COMMD10: variants seen among roughly 807,000 people sequenced by gnomAD.
The protein encoded by COMMD10 is COMM domain containing 10.
A neutral mutation model predicts 28.9 loss-of-function variants in COMMD10; 33 were observed. That is an observed-to-expected ratio of 1.14 (90% CI 0.87 to 1.53). The LOEUF (loss-of-function observed/expected upper bound fraction) is 1.53, where lower values mean the gene tolerates loss of function less well. COMMD10 is among the 40% of genes most tolerant of loss of function. The pLI, the probability that COMMD10 is intolerant of heterozygous loss-of-function variation, is 0.00. For synonymous variants in COMMD10, 110 were observed against 81.7 expected, an observed-to-expected ratio of 1.35 and a Z score of -1.87; for missense variants, 310 against 233.4, an observed-to-expected ratio of 1.33 and a Z score of -2.14.
intron 4 of COMMD10, among the ~76,000 whole-genome samples, chr5:116,119,886 C>G (rs1034389214): frequency 6.6e-6 from 1 of 152,068 alleles, no homozygotes; most frequent in African/African-American, 2.4e-5. Context: ...TCCCAAAGTG[C>G]TAGGATTACG....
At chr5:116,146,240 G>A (rs1167375183) in intron 5 of COMMD10, among the ~76,000 whole-genome samples, 3 of 151,804 alleles carry the variant, frequency 2.0e-5, no homozygotes, top group African/African-American at 7.2e-5. Context: ...AGTTCCCAAT[G>A]TGTGTCCAGT....
chr5:116,085,118 G>A, intron 1 of COMMD10, 25 bp downstream of exon 1: 3 of 1,603,240 alleles, frequency 1.9e-6, no homozygotes, highest in Non-Finnish European at 2.6e-6. Context: ...AAGCTCTTGC[G>A]GTAGCCGCGC....
intron 5 of COMMD10, among the ~76,000 whole-genome samples, chr5:116,257,746 A>ATGG (rs1165259775): frequency 6.6e-6 from 1 of 151,808 alleles, no homozygotes; most frequent in African/African-American, 2.4e-5. Flanking sequence ...AAGGAATATT[A>ATGG]TGGTGGGTTC....
chr5:116,107,494 C>A (rs996216768), intron 4 of COMMD10, among the ~76,000 whole-genome samples: 3 of 152,142 alleles, frequency 2.0e-5, no homozygotes, highest in African/African-American at 7.2e-5. Context: ...GTGTATGCTT[C>A]ATGAAGTTCT....
intron 5 of COMMD10, among the ~76,000 whole-genome samples, chr5:116,172,502 AGCATTTG>A (rs1753368175): frequency 6.6e-6 from 1 of 152,176 alleles, no homozygotes; most frequent in African/African-American, 2.4e-5. Flanking sequence ...TGAAATCTGG[AGCATTTG>A]CTCAGACTAT....
intron 4 of COMMD10, among the ~76,000 whole-genome samples, chr5:116,130,885 A>G (rs1299159409): frequency 6.6e-6 from 1 of 152,038 alleles, no homozygotes; most frequent in Non-Finnish European, 1.5e-5. Context: ...CATTGTAAAT[A>G]TTTAAAATAT....
At chr5:116,277,923 A>T (rs542340727) in intron 5 of COMMD10, among the ~76,000 whole-genome samples, 1 of 151,864 alleles carries the variant, frequency 6.6e-6, no homozygotes, top group Non-Finnish European at 1.5e-5. Flanking sequence ...ATTTCTGTCT[A>T]TGAATCTAAT....
chr5:116,173,673 C>G (rs1208347567), intron 5 of COMMD10, among the ~76,000 whole-genome samples: 1 of 152,028 alleles, frequency 6.6e-6, no homozygotes, highest in Non-Finnish European at 1.5e-5. Context: ...TGTTCTATGT[C>G]TTCAGTAGAG....
At chr5:116,127,613 C>T (rs185284419) in intron 4 of COMMD10, among the ~76,000 whole-genome samples, 7 of 152,292 alleles carry the variant, frequency 4.6e-5, no homozygotes, top group Middle Eastern at 3.4e-3. Flanking sequence ...AGGATGAGTT[C>T]ATGTCCTTTG....
chr5:116,099,269 A>G (rs1331438205), intron 4 of COMMD10, among the ~76,000 whole-genome samples: 1 of 152,158 alleles, frequency 6.6e-6, no homozygotes, highest in African/African-American at 2.4e-5. Flanking sequence ...AACACCCTCC[A>G]GGTTCATCCA....
intron 5 of COMMD10, among the ~76,000 whole-genome samples, chr5:116,233,188 G>C (rs1749571177): frequency 6.6e-6 from 1 of 152,040 alleles, no homozygotes; most frequent in Non-Finnish European, 1.5e-5. Flanking sequence ...GGTGAGTACA[G>C]TACAATAAGA....
chr5:116,110,834 C>G lies in COMMD10; in HGVS notation c.399+18134C>G, dbSNP rs576150046. Among the ~76,000 whole-genome samples the G allele has an allele frequency of 2.6e-5, 4 of 152,190 alleles. No homozygotes were observed. In the East Asian group the frequency reaches 7.8e-4, roughly 29 times the overall value. The stretch of plus-strand genomic sequence containing the variant: ...GGAGGTGCTACACACTTTTAAACCA[C>G]CAGATCTCAAGAGAATTCACTATTG... On this transcript the variant is annotated intron_variant, in intron 4 of 6. Transcript: ENST00000274458.
At chr5:116,146,093 C>T (rs1205725895) in intron 5 of COMMD10, among the ~76,000 whole-genome samples, 2 of 151,864 alleles carry the variant, frequency 1.3e-5, no homozygotes, top group African/African-American at 4.8e-5. Flanking sequence ...GTGGCTTGAC[C>T]TGGTGTACAG....
At chr5:116,179,529 G>T (rs1347605822) in intron 5 of COMMD10, among the ~76,000 whole-genome samples, 1 of 152,224 alleles carries the variant, frequency 6.6e-6, no homozygotes, top group Non-Finnish European at 1.5e-5. Flanking sequence ...TAGGTGGTGG[G>T]GAGAAGAGCT....
rs570583123 is a variant in COMMD10 at position 116,228,990 on chromosome 5, G to A, written c.511-62527G>A. On this transcript the variant is annotated intron_variant, in intron 5 of 6. Transcript: ENST00000274458. ...TTATTTTATCTTCTTGTAAAATAGT[G>A]TAAAATAAATATTTGCCTATAGACA... Among the ~76,000 whole-genome samples, 66 of 152,058 alleles carry A rather than the reference G, an allele frequency of 4.3e-4. 1 individual carries two copies. The South Asian group carries it at 1.0e-2, about 23-fold the overall frequency.
intron 5 of COMMD10, among the ~76,000 whole-genome samples, chr5:116,217,194 C>G (rs1243620940): frequency 1.4e-5 from 2 of 144,778 alleles, no homozygotes; most frequent in African/African-American, 5.0e-5. Context: ...ATCAACCACT[C>G]TTTTTTTTTT....
intron 2 of COMMD10, among the ~76,000 whole-genome samples, chr5:116,088,484 A>G (rs1033989157): frequency 2.0e-5 from 3 of 152,328 alleles, no homozygotes; most frequent in African/African-American, 2.4e-5. Context: ...TATTTTTTAC[A>G]GTGTTCAAAG....
chr5:116,191,282 G>C (rs1748362717), intron 5 of COMMD10, among the ~76,000 whole-genome samples: 1 of 152,110 alleles, frequency 6.6e-6, no homozygotes, highest in Non-Finnish European at 1.5e-5. Flanking sequence ...TGAATGGGGT[G>C]AGAAGCCTCC....
chr5:116,288,751 G>A (rs755384275), intron 5 of COMMD10, among the ~76,000 whole-genome samples: 19 of 150,806 alleles, frequency 1.3e-4, no homozygotes, highest in Non-Finnish European at 4.4e-5. Context: ...TTCCGTTACT[G>A]TATTTTTCAG....
Sources: gnomAD v4.1 joint callset for allele counts (sites outside exome capture counted in the v4.1 genomes callset) on GRCh38, gnomAD v4.1.1 for gene constraint, MANE v1.5 for transcripts, NCBI Gene and HGNC (gene_info 2026-07-23, HGNC 2026-07-21) for gene names.